Variants in RNF111 observed in about 807,000 individuals in gnomAD.
RNF111 encodes the protein ring finger protein 111.
Under a neutral mutation model 95.1 loss-of-function variants are expected in RNF111, and 17 were observed. The observed-to-expected ratio is 0.18, with a 90% CI of 0.12 to 0.27. The LOEUF is 0.27. RNF111 is among the 10% of genes least tolerant of loss of function. The pLI is 1.00. For missense variants in RNF111, 1,189 were observed against 1,210.4 expected, an observed-to-expected ratio of 0.98 and a Z score of 0.26; for synonymous variants, 440 against 414.8, an observed-to-expected ratio of 1.06 and a Z score of -0.74.
chr15:59,029,252 C>T (rs1358855611), intron 1 of RNF111, among the ~76,000 whole-genome samples: 1 of 152,124 alleles, frequency 6.6e-6, no homozygotes, highest in Non-Finnish European at 1.5e-5. Context: ...CCATTCAACT[C>T]TTAGATCACA....
At chr15:59,013,887 C>T (rs538975506) in intron 1 of RNF111, among the ~76,000 whole-genome samples, 2 of 152,034 alleles carry the variant, frequency 1.3e-5, no homozygotes, top group South Asian at 4.2e-4. Flanking sequence ...CTCCCAGGTT[C>T]AAGTAATTCT....
intron 10 of RNF111, 88 bp from the exon 11 acceptor site, chr15:59,089,579 C>A: frequency 9.9e-7 from 1 of 1,007,032 alleles, no homozygotes; most frequent in Non-Finnish European, 1.5e-6. Context: ...GAATTGAAAA[C>A]ATTGAGGGTC....
intron 1 of RNF111, among the ~76,000 whole-genome samples, chr15:59,018,860 A>G (rs901046125): frequency 3.3e-5 from 5 of 152,120 alleles, no homozygotes; most frequent in Non-Finnish European, 7.4e-5. Flanking sequence ...AAAAAGTTTG[A>G]GTTCAGCTTT....
intron 1 of RNF111, among the ~76,000 whole-genome samples, chr15:59,011,712 G>A (rs1346574467): frequency 6.6e-6 from 1 of 152,008 alleles, no homozygotes; most frequent in Admixed American, 6.6e-5. Context: ...CAGTCAGATT[G>A]GATTAGGACC....
intron 2 of RNF111, among the ~76,000 whole-genome samples, chr15:59,041,959 A>ATT (rs775444330): frequency 6.5e-5 from 7 of 108,448 alleles, no homozygotes; most frequent in African/African-American, 1.3e-4. Context: ...CAGTCTGTTC[A>ATT]TATTTTTTTT....
At chr15:59,048,911 T>G (rs895988630) in intron 2 of RNF111, among the ~76,000 whole-genome samples, 2 of 152,038 alleles carry the variant, frequency 1.3e-5, no homozygotes, top group African/African-American at 4.8e-5. Context: ...GGCAGTGTAC[T>G]AAGATCCTGT....
At chr15:59,071,781 A>G (rs1305856223) in intron 6 of RNF111, among the ~76,000 whole-genome samples, 12 of 152,110 alleles carry the variant, frequency 7.9e-5, no homozygotes, top group Non-Finnish European at 1.8e-4. Context: ...AACTTAGTTG[A>G]TGGGCTTTCC....
chr15:59,000,708 C>CAAAA (rs35056899), intron 1 of RNF111, among the ~76,000 whole-genome samples: 6 of 90,174 alleles, frequency 6.7e-5, no homozygotes, highest in Non-Finnish European at 1.4e-4. Context: ...AACTCCGTCT[C>CAAAA]AAAAAAAAAA....
At chr15:59,040,788 G>A (rs2041410507) in intron 2 of RNF111, among the ~76,000 whole-genome samples, 1 of 152,048 alleles carries the variant, frequency 6.6e-6, no homozygotes, top group African/African-American at 2.4e-5. Flanking sequence ...TTTGCCCTTG[G>A]CCAGTTTTCT....
In RNF111 at chr15:59,055,771, G is replaced by A. The variant is rs147700741; in HGVS notation, c.1097G>A (p.Ser366Asn). 1,322 of 1,614,030 alleles carry A rather than the reference G, an allele frequency of 8.2e-4. No homozygotes were observed. Among genetic ancestry groups the A allele is most frequent in the Admixed American group, 1.0e-3 (62 of 60,016 alleles). The change falls in exon 4 of 14, where the codon AGT (serine) becomes AAT (asparagine). Residue 366 changes from serine to asparagine, a missense_variant. By Grantham distance (46) the Ser-to-Asn change is conservative. Around this residue, in one of 2 missense-constraint regions of RNF111, gnomAD observed 1,024 missense variants for 925.9 expected, o/e 1.11. Transcript: ENST00000348370. ...ASRPQEPRNRSRISTVIQPLR... is the reference protein window; with the variant it reads ...ASRPQEPRNRNRISTVIQPLR... ...CGGCCACAGGAGCCACGGAACCGCA[G>A]TAGGATTTCTACTGTTATACAGCCC...
chr15:59,084,330 G>A (rs747597261), intron 9 of RNF111, 76 bp downstream of exon 9: 304 of 1,361,922 alleles, frequency 2.2e-4, no homozygotes, highest in Non-Finnish European at 2.8e-4. Flanking sequence ...CCTTGTGATT[G>A]ATTGCTTTGC....
At chr15:59,058,625 T>A (rs1305347584) in intron 5 of RNF111, 75 bp downstream of exon 5, 1 of 1,330,018 alleles carries the variant, frequency 7.5e-7, no homozygotes, top group Non-Finnish European at 1.1e-6. Context: ...TTTTTAAGTC[T>A]AAGATTTTAG....
At chr15:59,064,976 G>C (rs533311656) in intron 5 of RNF111, among the ~76,000 whole-genome samples, 2 of 151,940 alleles carry the variant, frequency 1.3e-5, no homozygotes, top group Non-Finnish European at 2.9e-5. Context: ...TATTTAAGCT[G>C]TTTTGGTTGG....
chr15:58,990,520 T>G (rs751143495), intron 1 of RNF111, among the ~76,000 whole-genome samples: 7 of 152,246 alleles, frequency 4.6e-5, no homozygotes, highest in South Asian at 4.1e-4. Flanking sequence ...CTTAGTGGTG[T>G]GCGCCTGTAG....
At chr15:59,061,801 C>T (rs1477399032) in intron 5 of RNF111, among the ~76,000 whole-genome samples, 1 of 152,154 alleles carries the variant, frequency 6.6e-6, no homozygotes, top group African/African-American at 2.4e-5. Context: ...TGTCTGTGTA[C>T]ATTTAAGTGT....
chr15:59,012,440 T>C (rs1328907884), intron 1 of RNF111, among the ~76,000 whole-genome samples: 1 of 152,312 alleles, frequency 6.6e-6, no homozygotes, highest in Non-Finnish European at 1.5e-5. Flanking sequence ...TCTTTACGCT[T>C]TATGTCACAA....
At chr15:59,071,901 A>G (rs1477001517) in intron 6 of RNF111, among the ~76,000 whole-genome samples, 2 of 152,140 alleles carry the variant, frequency 1.3e-5, no homozygotes, top group Non-Finnish European at 2.9e-5. Flanking sequence ...AAGTCACATG[A>G]ATTTTTTTGT....
Position 59,043,020 on chromosome 15 carries a change from T to G in RNF111, c.881-9285T>G, listed in dbSNP as rs578133195. Among the ~76,000 whole-genome samples the G allele has an allele frequency of 4.4e-4, 67 of 152,316 alleles. 1 individual carries two copies. In the South Asian group the frequency reaches 0.013, roughly 30 times the overall value. On this transcript the variant is annotated intron_variant, in intron 2 of 13. Coordinates refer to ENST00000348370, the MANE Select transcript of RNF111 (RefSeq NM_017610.8). Reference sequence around the variant, plus strand: ...TTGTATTCCAGAATATGGGATGTCTTCATTTGTTGATGTCTAGTTTTGTAT... The same window carrying G: ...TTGTATTCCAGAATATGGGATGTCTGCATTTGTTGATGTCTAGTTTTGTAT...
rs2042026400 is a variant in RNF111, at chr15:59,052,415, G to T, written c.991G>T (p.Val331Phe). ...STDSEVEIVT[V>F]GESYRSRSTL... is the part of the protein sequence containing the mutation. ...TGACAGTGAAGTGGAGATTGTAACAGTTGGAGAAAGCTATCGGTGAGATTT... is the reference window on the plus strand; with the variant it reads ...TGACAGTGAAGTGGAGATTGTAACATTTGGAGAAAGCTATCGGTGAGATTT... Residue 331 changes from valine (V) to phenylalanine (F), a missense_variant, in exon 3 of 14, where the codon GTT becomes TTT. Around this residue, in one of 2 missense-constraint regions of RNF111, gnomAD observed 1,024 missense variants for 925.9 expected, o/e 1.11. Coordinates refer to ENST00000348370, the MANE Select transcript of RNF111 (RefSeq NM_017610.8). 6.3e-7 allele frequency: 1 copy of T among 1,578,086 alleles called. No individual in the cohort carries two copies. Among genetic ancestry groups the T allele is most frequent in the Admixed American group, 1.9e-5 (1 of 51,868 alleles).
Sources: allele counts gnomAD v4.1 joint callset (sites outside exome capture counted in the v4.1 genomes callset), GRCh38; gene constraint gnomAD v4.1.1; regional missense constraint gnomAD v4.1.1; transcripts MANE v1.5; gene names NCBI Gene and HGNC (gene_info 2026-07-23, HGNC 2026-07-21).